KDM5A: variants seen among roughly 807,000 people sequenced by gnomAD.
The protein encoded by KDM5A is lysine demethylase 5A.
A neutral mutation model predicts 193.5 loss-of-function variants in KDM5A; 42 were observed. The ratio of observed to expected loss-of-function variants is 0.22; its 90% confidence interval spans 0.17 to 0.28. The LOEUF (loss-of-function observed/expected upper bound fraction) is 0.28, where lower values mean the gene tolerates loss of function less well. KDM5A is among the 10% of genes least tolerant of loss of function. KDM5A has a pLI of 1.00. For missense variants in KDM5A, 1,692 were observed against 2,055.1 expected (o/e 0.82, Z 3.42); for synonymous variants, 796 against 718.1 (o/e 1.11, Z -1.73).
In KDM5A at chr12:350,383, C is replaced by T. The variant is rs117376810; in HGVS notation, c.1308+238G>A. Among the ~76,000 whole-genome samples, 1,064 of 145,394 alleles carry T rather than the reference C, an allele frequency of 7.3e-3. 38 individuals are homozygous for T. The highest frequency in any genetic ancestry group is 0.048 in the Admixed American group (694 of 14,340). ...CCCAGGAGGTGGAGGTTGCGGTGAGCTAAGCTCGCGCTCCAGCCTAGGTGA... is the reference window on the plus strand; with the variant it reads ...CCCAGGAGGTGGAGGTTGCGGTGAGTTAAGCTCGCGCTCCAGCCTAGGTGA... On this transcript the variant is annotated intron_variant, in intron 10 of 27. Transcript: ENST00000399788.
intron 24 of KDM5A, among the ~76,000 whole-genome samples, chr12:306,434 T>A (rs969815712): frequency 1.3e-5 from 2 of 152,224 alleles, no homozygotes; most frequent in South Asian, 2.1e-4. Flanking sequence ...ACAGATTTTT[T>A]AATTCTATTT....
Position 386,078 on chromosome 12 carries a change from GACTA to G in KDM5A, c.166-108_166-105del, listed in dbSNP as rs1249750069. 7.9e-5 allele frequency: 62 copies of G among 789,468 alleles called. No individual in the cohort carries two copies. In the East Asian group the frequency reaches 1.6e-3, roughly 20 times the overall value. 48.9% of individuals were successfully genotyped at this position (789,468 alleles called of 1,614,324 possible). On this transcript the variant is annotated intron_variant, in intron 1 of 27. Coordinates refer to ENST00000399788, the MANE Select transcript of KDM5A (RefSeq NM_001042603.3). The stretch of plus-strand genomic sequence containing the variant: ...TTTGCCACAAATCATGGTGCTAATA[GACTA>G]ACTTACAAGTCTTCTTTATTATAGA...
intron 5 of KDM5A, among the ~76,000 whole-genome samples, chr12:359,180 G>A (rs560967142): frequency 6.6e-6 from 1 of 152,134 alleles, no homozygotes; most frequent in South Asian, 2.1e-4. Context: ...GATTAGAGCT[G>A]GATTAGAGTG....
At chr12:383,245 A>C (rs3753160) in intron 3 of KDM5A, among the ~76,000 whole-genome samples, 10,662 of 151,506 alleles carry the variant, frequency 0.07, 848 homozygotes, top group East Asian at 0.35. Context: ...ACAGGGTCTA[A>C]CTCCTGTGGC....
chr12:284,980 T>G lies in KDM5A; in HGVS notation c.*476A>C. ...CTAGTTGTATCTTTAGGGCATTAAG[T>G]ACCAGGTAACAGTGGAAGGAAAGTG... On this transcript the variant is annotated 3_prime_UTR_variant, in exon 28 of 28. Transcript: ENST00000399788. The G allele has an allele frequency of 3.9e-6, 1 of 258,366 alleles. No individual in the cohort carries two copies. The highest frequency in any genetic ancestry group is 7.6e-6 in the Non-Finnish European group (1 of 131,730). 16.0% of individuals were successfully genotyped at this position (258,366 alleles called of 1,614,324 possible).
chr12:294,530 G>A (rs1167291383), intron 26 of KDM5A, among the ~76,000 whole-genome samples: 3 of 152,090 alleles, frequency 2.0e-5, no homozygotes, highest in Non-Finnish European at 4.4e-5. Context: ...AAAAGGATTG[G>A]GTAAGATAAT....
At chr12:292,439 G>C (rs755250495) in intron 27 of KDM5A, among the ~76,000 whole-genome samples, 1 of 152,120 alleles carries the variant, frequency 6.6e-6, no homozygotes, top group Non-Finnish European at 1.5e-5. Flanking sequence ...TCACCTTATA[G>C]GGAAGGCACA....
Position 282,678 on chromosome 12 carries a change from G to A in KDM5A, c.*2778C>T, listed in dbSNP as rs1943170457. On this transcript the variant is annotated 3_prime_UTR_variant, in exon 28 of 28. Transcript: ENST00000399788. ...ATTTTTCTTTCTATAACCTTTGCCA[G>A]AGTTAAAATACTAATGATGAAGAAT... The A allele has an allele frequency of 4.3e-6, 1 of 232,900 alleles. No homozygotes were observed. Among genetic ancestry groups the A allele is most frequent in the African/African-American group, 2.2e-5 (1 of 45,356 alleles). The allele number at this position is 232,900 out of a possible 1,614,324, so 14.4% of individuals were successfully genotyped here. A position where few individuals can be genotyped will look rare whatever the true frequency, so the allele number is the denominator to read the frequency against.
chr12:383,461 C>T (rs897208950), intron 3 of KDM5A, among the ~76,000 whole-genome samples: 40 of 152,178 alleles, frequency 2.6e-4, no homozygotes, highest in Admixed American at 3.3e-4. Flanking sequence ...AAGTGATCCT[C>T]CCACCTCAAC....
At position 323,642 on chromosome 12, in the gene KDM5A, G is replaced by A; in HGVS notation, c.2108C>T (p.Pro703Leu). 1 of 1,614,150 alleles carries A rather than the reference G, an allele frequency of 6.2e-7. No individual in the cohort carries two copies. Among genetic ancestry groups the A allele is most frequent in the South Asian group, 1.1e-5 (1 of 91,086 alleles). The change falls in exon 15 of 28, where the codon CCA becomes CTA. Residue 703 changes from proline (P) to leucine (L), a missense_variant. This residue lies in a region of KDM5A where 88 missense variants were observed against 124.6 expected (regional missense o/e 0.71). Coordinates refer to ENST00000399788, the MANE Select transcript of KDM5A (RefSeq NM_001042603.3). ...NPERLVCLYHPTDLCPCPMQK... is the reference protein window; with the variant it reads ...NPERLVCLYHLTDLCPCPMQK... ...CATGGGGCAGGGGCACAGATCAGTT[G>A]GATGGTAGAGACATACAAGCCGCTC...
chr12:289,881 T>TA lies in KDM5A; in HGVS notation c.4866+2877dup, dbSNP rs540079387. Among the ~76,000 whole-genome samples the TA allele has an allele frequency of 2.3e-3, 339 of 148,394 alleles. 3 individuals are homozygous for TA. The highest frequency in any genetic ancestry group is 2.8e-3 in the Non-Finnish European group (188 of 66,936). ...TGGTATCTTAAAGAACAAACTGGGCTAAAAAGCATGATTTTTTCTTTCTTT... is the reference window on the plus strand; with the variant it reads ...TGGTATCTTAAAGAACAAACTGGGCTAAAAAAGCATGATTTTTTCTTTCTTT... On this transcript the variant is annotated intron_variant, in intron 27 of 27. Coordinates refer to ENST00000399788, the MANE Select transcript of KDM5A (RefSeq NM_001042603.3).
intron 3 of KDM5A, among the ~76,000 whole-genome samples, chr12:378,072 T>G (rs1944529480): frequency 6.6e-6 from 1 of 152,236 alleles, no homozygotes; most frequent in Admixed American, 6.5e-5. Flanking sequence ...CCCATTCTCT[T>G]ACACCCATTC....
Position 349,518 on chromosome 12 carries a change from C to T in KDM5A, c.1308+1103G>A, listed in dbSNP as rs542685339. Among the ~76,000 whole-genome samples the T allele has an allele frequency of 2.1e-4, 31 of 151,096 alleles. No individual in the cohort carries two copies. The South Asian group carries it at 5.1e-3, about 25-fold the overall frequency. On this transcript the variant is annotated intron_variant, in intron 10 of 27. Transcript: ENST00000399788. ...CTAATTTTTGTATTTTTAGTAGAGA[C>T]GTGGTTTCACCATCTTGGCCAGGCT...
intron 5 of KDM5A, 104 bp downstream of exon 5, chr12:362,859 G>A: frequency 1.9e-6 from 2 of 1,043,776 alleles, no homozygotes; most frequent in Non-Finnish European, 3.0e-6. Flanking sequence ...TCAAGAGGCG[G>A]AGGCAAGAGG....
At chr12:291,373 C>T (rs184994967) in intron 27 of KDM5A, among the ~76,000 whole-genome samples, 309 of 152,266 alleles carry the variant, frequency 2.0e-3, no homozygotes, top group Non-Finnish European at 3.2e-3. Flanking sequence ...TTTGTACTTA[C>T]ATCTCAATTA....
chr12:309,781 A>C (rs766876402), intron 22 of KDM5A, 22 bp downstream of exon 22: 2 of 1,613,572 alleles, frequency 1.2e-6, no homozygotes, highest in South Asian at 1.1e-5. Flanking sequence ...AAGCAAACTC[A>C]AGATGCTAGG....
chr12:348,434 T>A (rs1944106185), intron 10 of KDM5A, among the ~76,000 whole-genome samples: 1 of 152,172 alleles, frequency 6.6e-6, no homozygotes, highest in Non-Finnish European at 1.5e-5. Context: ...GGATTACAAA[T>A]CATGCTACTG....
intron 13 of KDM5A, among the ~76,000 whole-genome samples, chr12:331,437 C>A (rs1460458564): frequency 6.6e-6 from 1 of 152,076 alleles, no homozygotes; most frequent in African/African-American, 2.4e-5. Context: ...TTTATAAGTT[C>A]AAACAGTCTC....
At chr12:297,294 T>C in intron 24 of KDM5A, 94 bp from the exon 25 acceptor site, 1 of 974,298 alleles carries the variant, frequency 1.0e-6, no homozygotes, top group Non-Finnish European at 1.6e-6. Flanking sequence ...TTAAAGCTTC[T>C]AATATACTAA....
Sources: gnomAD v4.1 joint callset for allele counts (sites outside exome capture counted in the v4.1 genomes callset) on GRCh38, gnomAD v4.1.1 for gene constraint, gnomAD v4.1.1 regional missense constraint, MANE v1.5 for transcripts, NCBI Gene and HGNC (gene_info 2026-07-23, HGNC 2026-07-21) for gene names.